Variants in RPSA2 observed in about 807,000 individuals in gnomAD.
The protein encoded by RPSA2 is small ribosomal subunit protein uS2B.
chr19:23,800,542 T>A, the RPSA2 span, among the ~76,000 whole-genome samples: 7 of 152,284 alleles, frequency 4.6e-5, no homozygotes, highest in African/African-American at 1.7e-4. Flanking sequence ...CAGGCAGAAT[T>A]GTGTCTCTGC....
the RPSA2 span, among the ~76,000 whole-genome samples, chr19:23,861,702 A>G: frequency 2.6e-5 from 4 of 152,246 alleles, no homozygotes; most frequent in Admixed American, 2.6e-4. Context: ...ACAAAACACC[A>G]ATCTCCATTC....
chr19:23,813,911 T>A, the RPSA2 span, among the ~76,000 whole-genome samples: 2 of 151,776 alleles, frequency 1.3e-5, no homozygotes, highest in Admixed American at 1.3e-4. Flanking sequence ...TTAGTAGAGA[T>A]GGGGTTTCAC....
chr19:23,834,968 A>G, the RPSA2 span, among the ~76,000 whole-genome samples: 8 of 152,058 alleles, frequency 5.3e-5, no homozygotes, highest in Non-Finnish European at 1.2e-4. Flanking sequence ...TATGCCATAT[A>G]TGGCATATTT....
chr19:23,780,076 T>C, the RPSA2 span, among the ~76,000 whole-genome samples: 1 of 152,030 alleles, frequency 6.6e-6, no homozygotes, highest in Non-Finnish European at 1.5e-5. Flanking sequence ...CTCTTACCGG[T>C]CAATAGAAGA....
chr19:23,833,149 G>C, the RPSA2 span: 2 of 1,197,862 alleles, frequency 1.7e-6, no homozygotes, highest in Non-Finnish European at 2.1e-6. Flanking sequence ...CAAATGGGAA[G>C]AATGTGCCAA....
At chr19:23,786,631 G>C in the RPSA2 span, among the ~76,000 whole-genome samples, 9 of 152,180 alleles carry the variant, frequency 5.9e-5, no homozygotes, top group Admixed American at 2.6e-4. Flanking sequence ...CTGGGACTGC[G>C]TGCAGGGGAC....
chr19:23,829,052 A>C, the RPSA2 span, among the ~76,000 whole-genome samples: 1 of 151,990 alleles, frequency 6.6e-6, no homozygotes, highest in African/African-American at 2.4e-5. Flanking sequence ...TTTCAAGCAC[A>C]TTTTATAAAA....
At chr19:23,855,809 C>A in the RPSA2 span, among the ~76,000 whole-genome samples, 6 of 152,196 alleles carry the variant, frequency 3.9e-5, no homozygotes, top group East Asian at 9.7e-4. Context: ...GGGTGAGGAG[C>A]TGCAGTAGAT....
At chr19:23,849,413 A>C in the RPSA2 span, among the ~76,000 whole-genome samples, 1 of 152,162 alleles carries the variant, frequency 6.6e-6, no homozygotes, top group Admixed American at 6.5e-5. Flanking sequence ...AAAAGAGGAA[A>C]AGGGTTTAAA....
the RPSA2 span, among the ~76,000 whole-genome samples, chr19:23,772,227 C>T: frequency 6.6e-6 from 1 of 152,182 alleles, no homozygotes; most frequent in African/African-American, 2.4e-5. Context: ...TCTTCTGCCT[C>T]TGTCTTGCCC....
the RPSA2 span, chr19:23,809,150 CTA>C: frequency 2.0e-5 from 3 of 152,716 alleles, no homozygotes; most frequent in East Asian, 3.8e-4. Context: ...CTATGTTAAA[CTA>C]TTTTTTAAGT....
the RPSA2 span, chr19:23,758,954 T>A: frequency 1.6e-6 from 1 of 638,914 alleles, no homozygotes; most frequent in South Asian, 1.9e-5. Flanking sequence ...ATTGGACAGT[T>A]CCCAGCCCAG....
the RPSA2 span, among the ~76,000 whole-genome samples, chr19:23,762,067 G>C: frequency 6.6e-6 from 1 of 151,046 alleles, no homozygotes; most frequent in Non-Finnish European, 1.5e-5. Flanking sequence ...ATAGGCGTGC[G>C]CCACCACGCC....
At chr19:23,816,494 T>A in the RPSA2 span, among the ~76,000 whole-genome samples, 17,887 of 152,242 alleles carry the variant, frequency 0.12, 1,119 homozygotes, top group East Asian at 0.22. Context: ...AACTGTTTTA[T>A]GTGTTCCTGA....
At chr19:23,781,324 T>A in the RPSA2 span, among the ~76,000 whole-genome samples, 1 of 151,812 alleles carries the variant, frequency 6.6e-6, no homozygotes, top group Admixed American at 6.6e-5. Flanking sequence ...GACTGTAACC[T>A]CACTAAGGAG....
the RPSA2 span, among the ~76,000 whole-genome samples, chr19:23,789,019 C>CTTTTTTTTTTTTTTTTTTTTTT: frequency 4.5e-3 from 512 of 112,550 alleles, 21 homozygotes; most frequent in Non-Finnish European, 6.2e-3. Context: ...TTTTTTCTTT[C>CTTTTTTTTTTTTTTTTTTTTTT]TTTCTTTTTT....
the RPSA2 span, among the ~76,000 whole-genome samples, chr19:23,865,789 C>T: frequency 6.6e-6 from 1 of 152,094 alleles, no homozygotes; most frequent in Admixed American, 6.5e-5. Context: ...CTGAATGATC[C>T]ACCACATTTT....
At chr19:23,835,725 C>T in the RPSA2 span, among the ~76,000 whole-genome samples, 1 of 152,004 alleles carries the variant, frequency 6.6e-6, no homozygotes, top group African/African-American at 2.4e-5. Flanking sequence ...TAGCCTCTGC[C>T]TCTCAGGTTC....
the RPSA2 span, among the ~76,000 whole-genome samples, chr19:23,866,317 C>A: frequency 6.6e-6 from 1 of 152,186 alleles, no homozygotes; most frequent in South Asian, 2.1e-4. Flanking sequence ...AAATGCTTAC[C>A]ATAGCTCTAG....
Sources: gnomAD v4.1 joint callset for allele counts (sites outside exome capture counted in the v4.1 genomes callset) on GRCh38, gnomAD v4.1.1 for gene constraint, MANE v1.5 for transcripts, NCBI Gene and HGNC (gene_info 2026-07-23, HGNC 2026-07-21) for gene names.